Variants in PDIA5 observed in about 807,000 individuals in gnomAD.
PDIA5 encodes protein disulfide-isomerase A5.
A neutral mutation model predicts 77.6 loss-of-function variants in PDIA5; 58 were observed. The ratio of observed to expected loss-of-function variants is 0.75; its 90% CI spans 0.61 to 0.93. PDIA5 has a LOEUF of 0.93. PDIA5 is among the 40% of genes least tolerant of loss of function. The pLI is 0.00. For missense variants in PDIA5, 630 were observed against 647.7 expected (o/e 0.97, Z 0.30); for synonymous variants, 250 against 252.1 (o/e 0.99, Z 0.08).
chr3:123,102,609 CTG>C, intron 4 of PDIA5, 115 bp downstream of exon 4: 1 of 1,057,610 alleles, frequency 9.5e-7, no homozygotes, highest in African/African-American at 1.6e-5. Flanking sequence ...GGTTTTCTTC[CTG>C]TGTTTACAAT....
rs377694628 is a variant in PDIA5 at position 123,075,398 on chromosome 3, TGG to T, written c.42+8195_42+8196del. 4.0e-5 allele frequency among the ~76,000 whole-genome samples: 6 copies of T among 151,830 alleles called. No individual in the cohort carries two copies. The East Asian group carries it at 1.2e-3, about 29-fold the overall frequency. On this transcript the variant is annotated intron_variant, in intron 1 of 16. Transcript: ENST00000316218. Reference sequence around the variant, plus strand: ...CTGTGGAACTTCAACATTGAAAGAATGGGGAGAGGAGGGTTTACAAAGAAGAA... The same window carrying T: ...CTGTGGAACTTCAACATTGAAAGAATGGAGAGGAGGGTTTACAAAGAAGAA...
At chr3:123,142,981 G>GTC (rs1249584523) in intron 11 of PDIA5, among the ~76,000 whole-genome samples, 1 of 152,032 alleles carries the variant, frequency 6.6e-6, no homozygotes, top group East Asian at 1.9e-4. Flanking sequence ...ATTTAATTAG[G>GTC]TCTCTTCATT....
At chr3:123,095,360 G>A (rs1934405575) in intron 3 of PDIA5, among the ~76,000 whole-genome samples, 1 of 152,206 alleles carries the variant, frequency 6.6e-6, no homozygotes. Flanking sequence ...TTTACTGGGT[G>A]AGGATCCCTT....
At chr3:123,113,362 G>A (rs1163241270) in intron 7 of PDIA5, among the ~76,000 whole-genome samples, 1 of 152,206 alleles carries the variant, frequency 6.6e-6, no homozygotes, top group Non-Finnish European at 1.5e-5. Flanking sequence ...CACCCAGGCT[G>A]TGTGGCAGTG....
At chr3:123,070,992 A>G (rs913967001) in intron 1 of PDIA5, among the ~76,000 whole-genome samples, 1 of 151,734 alleles carries the variant, frequency 6.6e-6, no homozygotes, top group Non-Finnish European at 1.5e-5. Context: ...AAAGTTGTCA[A>G]TTTTTCTGAC....
chr3:123,093,390 A>G (rs1934348470), intron 3 of PDIA5, among the ~76,000 whole-genome samples: 1 of 152,198 alleles, frequency 6.6e-6, no homozygotes, highest in African/African-American at 2.4e-5. Context: ...AGTTGGTCCA[A>G]AAGTGTGCTT....
chr3:123,087,776 T>C (rs1172642415), intron 1 of PDIA5, among the ~76,000 whole-genome samples: 1 of 152,228 alleles, frequency 6.6e-6, no homozygotes, highest in Non-Finnish European at 1.5e-5. Flanking sequence ...CTGGCAGCTC[T>C]GTGAGTGTGT....
In PDIA5 at chr3:123,161,314, C is replaced by T. The variant is rs1394949982; in HGVS notation, c.1345-7C>T. ...CCTGTGCCAACTCTCTTTACCTTGG[C>T]TCCTAGATTGCCTGTGCCGCTGTTG... On this transcript the variant is annotated splice_polypyrimidine_tract_variant and splice_region_variant and intron_variant, in intron 15 of 16. Coordinates refer to ENST00000316218, the MANE Select transcript of PDIA5 (RefSeq NM_006810.4). The T allele has an allele frequency of 6.2e-7, 1 of 1,613,110 alleles. No individual in the cohort carries two copies. The highest frequency in any genetic ancestry group is 8.5e-7 in the Non-Finnish European group (1 of 1,179,452).
chr3:123,109,272 C>T (rs181796792), intron 6 of PDIA5, among the ~76,000 whole-genome samples: 10 of 152,280 alleles, frequency 6.6e-5, no homozygotes, highest in Admixed American at 6.5e-4. Flanking sequence ...AATTTGTAGG[C>T]TTGGAATTTC....
intron 7 of PDIA5, among the ~76,000 whole-genome samples, chr3:123,115,867 G>A (rs565202620): frequency 1.5e-4 from 23 of 152,378 alleles, no homozygotes; most frequent in Middle Eastern, 6.8e-3. Flanking sequence ...TTTGCTGTGC[G>A]TGCAGCAGTT....
At chr3:123,119,580 C>T (rs748891960) in intron 8 of PDIA5, among the ~76,000 whole-genome samples, 15 of 152,198 alleles carry the variant, frequency 9.9e-5, no homozygotes, top group Non-Finnish European at 2.1e-4. Context: ...GCATCACCCA[C>T]GCAGGAGGCC....
At chr3:123,099,530 A>G (rs1934529587) in intron 3 of PDIA5, among the ~76,000 whole-genome samples, 1 of 152,162 alleles carries the variant, frequency 6.6e-6, no homozygotes, top group Non-Finnish European at 1.5e-5. Context: ...TACATAACCT[A>G]ACAAAGAAGG....
chr3:123,121,651 G>A (rs1299593466), intron 8 of PDIA5, among the ~76,000 whole-genome samples: 8 of 152,214 alleles, frequency 5.3e-5, no homozygotes, highest in African/African-American at 9.6e-5. Context: ...GCCAGGAGGC[G>A]GGGGATGGGC....
chr3:123,089,265 A>G lies in PDIA5; in HGVS notation c.140A>G (p.Asn47Ser), dbSNP rs778412283. 6.2e-7 allele frequency: 1 copy of G among 1,614,088 alleles called. No individual in the cohort carries two copies. Among genetic ancestry groups the G allele is most frequent in the Non-Finnish European group, 8.5e-7 (1 of 1,179,912 alleles). ...KDLKKLLRTR[N>S]NVLVLYSKSE... is the part of the protein sequence containing the mutation. ...TTGAAAAAACTGCTCAGAACCCGGA[A>G]TAATGTACTGGTGCTTTACTCCAAA... The change falls in exon 2 of 17, where the codon AAT becomes AGT. Residue 47 changes from asparagine to serine, a missense_variant. Asn to Ser is a conservative substitution (Grantham distance 46). Coordinates refer to ENST00000316218, the MANE Select transcript of PDIA5 (RefSeq NM_006810.4).
intron 7 of PDIA5, among the ~76,000 whole-genome samples, chr3:123,112,193 G>C (rs1180706842): frequency 1.3e-5 from 2 of 152,220 alleles, no homozygotes; most frequent in Non-Finnish European, 2.9e-5. Flanking sequence ...ACCTCTGTGA[G>C]CTGCATCGGC....
chr3:123,102,300 T>G lies in PDIA5; in HGVS notation c.258-111T>G. 11 of 782,578 alleles carry G rather than the reference T, an allele frequency of 1.4e-5. No individual in the cohort carries two copies. The Middle Eastern group carries it at 9.1e-4, about 65-fold the overall frequency. The allele number at this position is 782,578 out of a possible 1,614,324, so 48.5% of individuals were successfully genotyped here. A position where few individuals can be genotyped will look rare whatever the true frequency, so the allele number is the denominator to read the frequency against. On this transcript the variant is annotated intron_variant, in intron 3 of 16. Transcript: ENST00000316218. The stretch of plus-strand genomic sequence containing the variant: ...CTATAGTAAGGCCTTCATCTGCTAT[T>G]GAGAATTCCAAGTTACCTGACTTAT...
rs575120747 is a variant in PDIA5 at position 123,125,504 on chromosome 3, G to A, written c.773+1161G>A. Among the ~76,000 whole-genome samples the A allele has an allele frequency of 5.3e-5, 8 of 152,254 alleles. No individual in the cohort carries two copies. In the South Asian group the frequency reaches 1.7e-3, roughly 32 times the overall value. On this transcript the variant is annotated intron_variant, in intron 10 of 16. Coordinates refer to ENST00000316218, the MANE Select transcript of PDIA5 (RefSeq NM_006810.4). ...TTAGCCTCCTCAAGTTCTGCTCGGA[G>A]CCCCTCCCCTCAGCTGCCGGCACAG...
chr3:123,130,455 G>A, intron 10 of PDIA5, 25 bp from the exon 11 acceptor site: 1 of 1,608,830 alleles, frequency 6.2e-7, no homozygotes, highest in Non-Finnish European at 8.5e-7. Flanking sequence ...CCTGCTCTGA[G>A]CTCTGCCTGT....
chr3:123,121,522 CA>C (rs1284854307), intron 8 of PDIA5, among the ~76,000 whole-genome samples: 1 of 152,186 alleles, frequency 6.6e-6, no homozygotes, highest in African/African-American at 2.4e-5. Context: ...CAAAATGGCA[CA>C]AAAGTGCTAC....
Sources: gnomAD v4.1 joint callset for allele counts (sites outside exome capture counted in the v4.1 genomes callset) on GRCh38, gnomAD v4.1.1 for gene constraint, MANE v1.5 for transcripts, NCBI Gene and HGNC (gene_info 2026-07-23, HGNC 2026-07-21) for gene names.